LARGE1: variants seen among roughly 807,000 people sequenced by gnomAD.
LARGE1 encodes the protein LARGE xylosyl- and glucuronyltransferase 1.
Under a neutral mutation model 87.6 loss-of-function variants are expected in LARGE1, and 43 were observed. The ratio of observed to expected loss-of-function variants is 0.49; its 90% CI spans 0.38 to 0.63. The LOEUF (loss-of-function observed/expected upper bound fraction) is 0.63. Among genes scored for constraint, LARGE1 ranks in the 30% least tolerant of loss-of-function variants. LARGE1 has a pLI of 0.00. For synonymous variants in LARGE1, 434 were observed against 394.6 expected (o/e 1.10, Z -1.18); for missense variants, 802 against 1,000.2 (o/e 0.80, Z 2.67).
the LARGE1 span, chr22:33,116,412 T>C: frequency 6.6e-6 from 1 of 152,248 alleles, no homozygotes; most frequent in African/African-American, 2.4e-5. Flanking sequence ...TGGAGTGCAG[T>C]GGCTCGATCT....
intron 11 of LARGE1, among the ~76,000 whole-genome samples, chr22:33,262,535 GT>G: frequency 6.6e-6 from 1 of 152,084 alleles, no homozygotes; most frequent in Non-Finnish European, 1.5e-5. Context: ...CTCATGAACT[GT>G]TTCCTCTGCT....
the LARGE1 span, among the ~76,000 whole-genome samples, chr22:33,092,930 A>C: frequency 1.3e-5 from 2 of 152,180 alleles, no homozygotes; most frequent in Non-Finnish European, 2.9e-5. Flanking sequence ...GCTGCAGTGA[A>C]CATATGCATG....
At chr22:33,346,412 C>G (rs1177563859) in intron 9 of LARGE1, among the ~76,000 whole-genome samples, 1 of 152,106 alleles carries the variant, frequency 6.6e-6, no homozygotes. Flanking sequence ...AAGCGATTCT[C>G]CCGCCTCAGC....
At chr22:33,474,813 T>A (rs953291054) in intron 6 of LARGE1, among the ~76,000 whole-genome samples, 1 of 152,220 alleles carries the variant, frequency 6.6e-6, no homozygotes, top group Non-Finnish European at 1.5e-5. Context: ...GGCTAGCTGA[T>A]GTCCCCAGAG....
At chr22:33,100,905 T>C in the LARGE1 span, among the ~76,000 whole-genome samples, 1 of 151,580 alleles carries the variant, frequency 6.6e-6, no homozygotes, top group African/African-American at 2.4e-5. Context: ...AATGGTGCGA[T>C]CTCGGCTCAC....
intron 5 of LARGE1, among the ~76,000 whole-genome samples, chr22:33,567,208 A>G (rs1368740453): frequency 6.6e-6 from 1 of 152,152 alleles, no homozygotes; most frequent in African/African-American, 2.4e-5. Context: ...GATGTTAGAA[A>G]AAAATGTGGT....
Position 33,230,309 on chromosome 22 carries a change from C to T in LARGE1, c.1731-63477G>A, listed in dbSNP as rs377556713. On this transcript the variant is annotated intron_variant, in intron 11 of 11. Transcript: ENST00000608642. The stretch of plus-strand genomic sequence containing the variant: ...TGCTGTGATTACAGGTGTGAGCCAC[C>T]ATGCCTGGCCTCAAAGTTCTCATGT... 2.0e-4 allele frequency among the ~76,000 whole-genome samples: 30 copies of T among 152,120 alleles called. No individual in the cohort carries two copies. The East Asian group carries it at 5.6e-3, about 28-fold the overall frequency.
chr22:33,835,640 C>T (rs527275652), intron 1 of LARGE1, among the ~76,000 whole-genome samples: 1 of 152,312 alleles, frequency 6.6e-6, no homozygotes, highest in African/African-American at 2.4e-5. Context: ...TTTGGAAAGT[C>T]GTTATAACGA....
intron 5 of LARGE1, among the ~76,000 whole-genome samples, chr22:33,586,979 TTATA>T (rs2078696562): frequency 6.6e-6 from 1 of 152,202 alleles, no homozygotes; most frequent in African/African-American, 2.4e-5. Context: ...TTGTAAATAA[TTATA>T]TAACTACACA....
At chr22:33,079,246 T>TTA in the LARGE1 span, among the ~76,000 whole-genome samples, 1 of 141,398 alleles carries the variant, frequency 7.1e-6, no homozygotes, top group Non-Finnish European at 1.5e-5. Flanking sequence ...TTTTTTTTTT[T>TTA]AGACAGAGTC....
chr22:33,190,685 C>A (rs750843573), intron 11 of LARGE1, among the ~76,000 whole-genome samples: 10 of 152,124 alleles, frequency 6.6e-5, no homozygotes, highest in Non-Finnish European at 1.5e-4. Context: ...AAATGCAGAT[C>A]TTGGTGGGGA....
In LARGE1 at chr22:33,524,244, T is replaced by C. The variant is rs527916707; in HGVS notation, c.787+40604A>G. 3.1e-3 allele frequency among the ~76,000 whole-genome samples: 468 copies of C among 151,084 alleles called. 4 individuals are homozygous for C. Among genetic ancestry groups the C allele is most frequent in the South Asian group, 0.019 (90 of 4,762 alleles). On this transcript the variant is annotated intron_variant, in intron 6 of 14. Coordinates refer to ENST00000397394, the MANE Select transcript of LARGE1 (RefSeq NM_133642.5). Reference sequence around the variant, plus strand: ...AGGCAGAGGTTGCAGTGAGCTGAGATTGCGCCATTGCACTCCAGCCTGGGC... The same window carrying C: ...AGGCAGAGGTTGCAGTGAGCTGAGACTGCGCCATTGCACTCCAGCCTGGGC...
At chr22:33,443,287 T>C (rs977752786) in intron 6 of LARGE1, among the ~76,000 whole-genome samples, 22 of 152,332 alleles carry the variant, frequency 1.4e-4, no homozygotes, top group Admixed American at 7.2e-4. Context: ...CCTACACTTA[T>C]GGTTAGAAAC....
At position 33,623,174 on chromosome 22, in the gene LARGE1, T is replaced by TA. The variant is rs1346337198; in HGVS notation, c.491+3069dup. On this transcript the variant is annotated intron_variant, in intron 4 of 14. Coordinates refer to ENST00000397394, the MANE Select transcript of LARGE1 (RefSeq NM_133642.5). ...TTTTTTAAACCAGGGAGAGACCTGA[T>TA]ACGTCATGGCAACAAGTAGTAAATA... Among the ~76,000 whole-genome samples the TA allele has an allele frequency of 2.0e-5, 3 of 150,812 alleles. No homozygotes were observed. The East Asian group carries it at 5.9e-4, about 30-fold the overall frequency.
At chr22:33,326,396 A>T (rs1362057324) in intron 10 of LARGE1, among the ~76,000 whole-genome samples, 1 of 152,198 alleles carries the variant, frequency 6.6e-6, no homozygotes, top group African/African-American at 2.4e-5. Flanking sequence ...CAATGAAGCC[A>T]GTCACTAATT....
At chr22:33,562,360 C>T (rs1318366196) in intron 6 of LARGE1, among the ~76,000 whole-genome samples, 3 of 152,230 alleles carry the variant, frequency 2.0e-5, no homozygotes, top group African/African-American at 7.2e-5. Flanking sequence ...GCAATGCACT[C>T]TGCCTTGTTT....
chr22:33,823,046 C>T (rs1323742061), intron 1 of LARGE1, among the ~76,000 whole-genome samples: 1 of 152,176 alleles, frequency 6.6e-6, no homozygotes. Flanking sequence ...GAATGTGTTG[C>T]ACAAGAAATA....
chr22:33,792,537 G>A (rs1282355271), intron 1 of LARGE1, among the ~76,000 whole-genome samples: 3 of 152,088 alleles, frequency 2.0e-5, no homozygotes, highest in Non-Finnish European at 4.4e-5. Flanking sequence ...AACACAGGAG[G>A]GCAAGGTCTA....
At chr22:33,849,801 G>T (rs906402903) in intron 1 of LARGE1, among the ~76,000 whole-genome samples, 3 of 151,824 alleles carry the variant, frequency 2.0e-5, no homozygotes, top group African/African-American at 7.3e-5. Flanking sequence ...GGGTTTCACC[G>T]TGTTGGCCAG....
Sources: allele counts gnomAD v4.1 joint callset (sites outside exome capture counted in the v4.1 genomes callset), GRCh38; gene constraint gnomAD v4.1.1; transcripts MANE v1.5; gene names NCBI Gene and HGNC (gene_info 2026-07-23, HGNC 2026-07-21).